The following IGSF10 variants were observed in gnomAD, a reference collection of about 807,000 sequenced individuals.
IGSF10 encodes immunoglobulin superfamily member 10.
Under a neutral mutation model 128.2 loss-of-function variants are expected in IGSF10, and 126 were observed. The ratio of observed to expected loss-of-function variants is 0.98; its 90% CI spans 0.85 to 1.14. IGSF10 has a LOEUF of 1.14. Ranked by LOEUF, IGSF10 falls within the 50% of genes most tolerant of loss-of-function variation. The pLI is 0.00. For synonymous variants in IGSF10, 1,185 were observed against 1,146.2 expected (o/e 1.03, Z -0.68); for missense variants, 3,295 against 3,149.8 (o/e 1.05, Z -1.10).
chr3:151,566,894 G>C, the IGSF10 span, among the ~76,000 whole-genome samples: 9 of 152,300 alleles, frequency 5.9e-5, no homozygotes, highest in South Asian at 1.9e-3. Context: ...CTACAGCACT[G>C]TCAGCTCCAT....
chr3:151,494,811 A>G, the IGSF10 span, among the ~76,000 whole-genome samples: 139 of 152,286 alleles, frequency 9.1e-4, no homozygotes, highest in Non-Finnish European at 1.3e-3. Context: ...ATTTGCTGGC[A>G]AAACAAGATA....
Position 151,448,218 on chromosome 3 carries a change from C to G in IGSF10, c.1763G>C (p.Gly588Ala). ...ENGIHHTVFI[G>A]ETLDLPCHST... ...ATGGCATGGAAGATCAAGTGTTTCA[C>G]CAATGAAAACTGTGTGATGAATCCC... The change falls in exon 6 of 8, where the codon GGT becomes GCT. Residue 588 changes from glycine to alanine, a missense_variant. Coordinates refer to ENST00000282466, the MANE Select transcript of IGSF10 (RefSeq NM_178822.5). 1 of 1,614,170 alleles carries G rather than the reference C, an allele frequency of 6.2e-7. No homozygotes were observed. The highest frequency in any genetic ancestry group is 8.5e-7 in the Non-Finnish European group (1 of 1,180,008).
At chr3:151,543,106 A>G in the IGSF10 span, among the ~76,000 whole-genome samples, 1 of 152,158 alleles carries the variant, frequency 6.6e-6, no homozygotes, top group East Asian at 1.9e-4. Context: ...TTAAGGCTAA[A>G]TTTTACATTA....
chr3:151,615,650 G>A, the IGSF10 span, among the ~76,000 whole-genome samples: 9 of 152,074 alleles, frequency 5.9e-5, no homozygotes, highest in African/African-American at 1.7e-4. Context: ...AACTACAAAG[G>A]GAAGGAAATA....
the IGSF10 span, among the ~76,000 whole-genome samples, chr3:151,528,370 T>C: frequency 1.3e-5 from 2 of 152,180 alleles, no homozygotes; most frequent in African/African-American, 2.4e-5. Flanking sequence ...AGAGAAAGCA[T>C]ACAATGCTAT....
At chr3:151,498,780 C>T in the IGSF10 span, among the ~76,000 whole-genome samples, 1 of 152,068 alleles carries the variant, frequency 6.6e-6, no homozygotes, top group Non-Finnish European at 1.5e-5. Context: ...AGAATTTTTC[C>T]CCCATAATGG....
the IGSF10 span, among the ~76,000 whole-genome samples, chr3:151,611,234 A>G: frequency 6.6e-6 from 1 of 152,230 alleles, no homozygotes; most frequent in Admixed American, 6.5e-5. Context: ...CCCACCTTAT[A>G]AATGATATCC....
rs1435703016 is a variant in IGSF10, at chr3:151,453,774, C to T, written c.325G>A (p.Val109Ile). ...KTFSDLQALQVLKMSYNKVRK... is the reference protein window; with the variant it reads ...KTFSDLQALQILKMSYNKVRK... ...ACTTTATTATAGCTCATTTTTAAGA[C>T]CTATGAATTAAAAAAAAGAACATAT... Residue 109 changes from valine to isoleucine, a missense_variant and splice_region_variant, in exon 5 of 8, where the codon GTC becomes ATC. Physicochemically the swap from Val to Ile is conservative, Grantham distance 29 (BLOSUM62 3). Coordinates refer to ENST00000282466, the MANE Select transcript of IGSF10 (RefSeq NM_178822.5). The T allele has an allele frequency of 6.8e-7, 1 of 1,479,080 alleles. No homozygotes were observed. The highest frequency in any genetic ancestry group is 9.1e-7 in the Non-Finnish European group (1 of 1,096,664). 91.6% of individuals were successfully genotyped at this position (1,479,080 alleles called of 1,614,324 possible).
intron 5 of IGSF10, 126 bp from the exon 6 acceptor site, chr3:151,449,391 TTC>T: frequency 1.1e-6 from 1 of 916,006 alleles, no homozygotes; most frequent in African/African-American, 1.7e-5. Flanking sequence ...ATGGAAAGTT[TTC>T]TGATTTTTTG....
chr3:151,591,180 A>G, the IGSF10 span, among the ~76,000 whole-genome samples: 3 of 152,106 alleles, frequency 2.0e-5, no homozygotes, highest in Non-Finnish European at 2.9e-5. Context: ...ACATGTTGGC[A>G]TAATGCATCA....
chr3:151,563,085 C>T, the IGSF10 span, among the ~76,000 whole-genome samples: 2 of 149,916 alleles, frequency 1.3e-5, no homozygotes, highest in Non-Finnish European at 3.0e-5. Flanking sequence ...TCCCGGATTC[C>T]TTAGCTCAGA....
chr3:151,461,283 G>A, upstream of IGSF10: 2 of 985,366 alleles, frequency 2.0e-6, no homozygotes, highest in Non-Finnish European at 2.4e-6. Flanking sequence ...GTGGCCGCCC[G>A]TTCATTTCCT....
At chr3:151,495,578 G>GT in the IGSF10 span, among the ~76,000 whole-genome samples, 63 of 114,598 alleles carry the variant, frequency 5.5e-4, no homozygotes, top group African/African-American at 1.5e-3. Flanking sequence ...AATTTTCACT[G>GT]TTTTTTTTAT....
At chr3:151,498,585 G>T in the IGSF10 span, among the ~76,000 whole-genome samples, 5 of 152,224 alleles carry the variant, frequency 3.3e-5, no homozygotes, top group South Asian at 1.0e-3. Flanking sequence ...AATAGATGCA[G>T]AAAAGGCCTT....
the IGSF10 span, among the ~76,000 whole-genome samples, chr3:151,541,364 G>A: frequency 6.6e-6 from 1 of 152,270 alleles, no homozygotes; most frequent in African/African-American, 2.4e-5. Flanking sequence ...ATACAGAGCT[G>A]AGTCATGTCA....
At chr3:151,613,434 G>C in the IGSF10 span, among the ~76,000 whole-genome samples, 2 of 152,218 alleles carry the variant, frequency 1.3e-5, no homozygotes, top group Admixed American at 6.5e-5. Context: ...ATACTACAAG[G>C]CTACAGTAAC....
At chr3:151,613,179 T>G in the IGSF10 span, among the ~76,000 whole-genome samples, 1 of 151,376 alleles carries the variant, frequency 6.6e-6, no homozygotes, top group Non-Finnish European at 1.5e-5. Flanking sequence ...CACTGCTCAA[T>G]GAACAAATGG....
the IGSF10 span, among the ~76,000 whole-genome samples, chr3:151,515,438 G>C: frequency 7.8e-6 from 1 of 129,026 alleles, no homozygotes; most frequent in Non-Finnish European, 1.6e-5. Flanking sequence ...ATGGACACAG[G>C]AAGGGGAACA....
the IGSF10 span, among the ~76,000 whole-genome samples, chr3:151,503,801 T>C: frequency 3.3e-5 from 5 of 152,016 alleles, no homozygotes; most frequent in Non-Finnish European, 7.4e-5. Flanking sequence ...GTTTGGCAGG[T>C]AGAGGGTTAG....
Sources: gnomAD v4.1 joint callset for allele counts (sites outside exome capture counted in the v4.1 genomes callset) on GRCh38, gnomAD v4.1.1 for gene constraint, MANE v1.5 for transcripts, NCBI Gene and HGNC (gene_info 2026-07-23, HGNC 2026-07-21) for gene names.